SUPT3H: variants seen among roughly 807,000 people sequenced by gnomAD.
SUPT3H encodes transcription initiation protein SPT3 homolog.
Under a neutral mutation model 44.3 loss-of-function variants are expected in SUPT3H, and 44 were observed. The observed-to-expected ratio is 0.99, with a 90% CI of 0.78 to 1.28. The LOEUF is 1.28. Among genes scored for constraint, SUPT3H ranks in the 50% most tolerant of loss-of-function variants. The probability of loss-of-function intolerance (pLI) is 0.00; values close to 1 mark genes in which losing one functional copy is unlikely to be tolerated. For missense variants in SUPT3H, 380 were observed against 387.1 expected (o/e 0.98, Z 0.15); for synonymous variants, 124 against 125.6 (o/e 0.99, Z 0.09).
At chr6:45,034,808 A>C (rs1028470466) in intron 3 of SUPT3H, among the ~76,000 whole-genome samples, 3 of 152,202 alleles carry the variant, frequency 2.0e-5, no homozygotes, top group Non-Finnish European at 4.4e-5. Context: ...TATTTTTAAT[A>C]GATATTTTAC....
intron 3 of SUPT3H, among the ~76,000 whole-genome samples, chr6:45,044,338 A>C (rs1311272606): frequency 6.6e-6 from 1 of 152,134 alleles, no homozygotes; most frequent in African/African-American, 2.4e-5. Context: ...ACTCCTATTC[A>C]ACCTTTGAAA....
At chr6:45,074,882 A>T (rs1285466504) in intron 3 of SUPT3H, among the ~76,000 whole-genome samples, 1 of 152,098 alleles carries the variant, frequency 6.6e-6, no homozygotes, top group Non-Finnish European at 1.5e-5. Flanking sequence ...AAAGGTGTTA[A>T]TATAATTAAG....
At chr6:45,373,608 G>A (rs1796390663) in intron 1 of SUPT3H, among the ~76,000 whole-genome samples, 2 of 152,154 alleles carry the variant, frequency 1.3e-5, no homozygotes, top group Non-Finnish European at 2.9e-5. Flanking sequence ...CTGGAGTGCA[G>A]TGCACGATCT....
intron 5 of SUPT3H, among the ~76,000 whole-genome samples, chr6:45,012,790 A>G (rs1335645954): frequency 2.6e-5 from 4 of 152,080 alleles, no homozygotes; most frequent in Non-Finnish European, 5.9e-5. Context: ...TAGCAAATCT[A>G]GACAACTCCC....
chr6:44,899,800 T>C (rs548819697), intron 10 of SUPT3H, among the ~76,000 whole-genome samples: 109 of 152,360 alleles, frequency 7.2e-4, no homozygotes, highest in African/African-American at 2.6e-3. Context: ...TTGTTATTCT[T>C]GCTCTCAAAT....
chr6:45,055,339 C>G (rs13211006), intron 3 of SUPT3H, among the ~76,000 whole-genome samples: 19,993 of 151,984 alleles, frequency 0.13, 1,567 homozygotes, highest in East Asian at 0.26. Flanking sequence ...TCATATGGAA[C>G]CAAAAAGAAG....
intron 2 of SUPT3H, among the ~76,000 whole-genome samples, chr6:45,196,851 A>G: frequency 6.6e-6 from 1 of 151,840 alleles, no homozygotes; most frequent in East Asian, 1.9e-4. Context: ...GATTCAAGAA[A>G]ACATGGAGAA....
chr6:45,281,812 G>A (rs903718311), intron 2 of SUPT3H, among the ~76,000 whole-genome samples: 4 of 152,236 alleles, frequency 2.6e-5, no homozygotes, highest in African/African-American at 9.6e-5. Flanking sequence ...CCTGATACCC[G>A]AATAGCCTAA....
intron 11 of SUPT3H, among the ~76,000 whole-genome samples, chr6:44,820,451 T>C (rs911924905): frequency 6.6e-6 from 1 of 152,068 alleles, no homozygotes; most frequent in Non-Finnish European, 1.5e-5. Context: ...TGTTGAGATA[T>C]GAAGATGACG....
intron 1 of SUPT3H, among the ~76,000 whole-genome samples, chr6:45,366,822 T>C (rs866916487): frequency 6.6e-6 from 1 of 152,192 alleles, no homozygotes; most frequent in Non-Finnish European, 1.5e-5. Flanking sequence ...CTACTTTCTG[T>C]ATGTTCTCAG....
chr6:44,895,419 T>G (rs1296198846), intron 10 of SUPT3H, among the ~76,000 whole-genome samples: 2 of 152,166 alleles, frequency 1.3e-5, no homozygotes, highest in Non-Finnish European at 2.9e-5. Flanking sequence ...AAGGACGTGC[T>G]GAAAGCTCTG....
At chr6:45,309,447 A>G (rs1349477079) in intron 2 of SUPT3H, among the ~76,000 whole-genome samples, 1 of 151,940 alleles carries the variant, frequency 6.6e-6, no homozygotes, top group Non-Finnish European at 1.5e-5. Flanking sequence ...TTAAAAATAT[A>G]TAGTCAAAAG....
chr6:45,224,210 C>A (rs952762661), intron 2 of SUPT3H, among the ~76,000 whole-genome samples: 2 of 151,676 alleles, frequency 1.3e-5, no homozygotes, highest in African/African-American at 4.8e-5. Flanking sequence ...ACAGGTTTTC[C>A]TGTTCCCATT....
At chr6:45,364,938 C>G (rs1416249733) in intron 2 of SUPT3H, among the ~76,000 whole-genome samples, 1 of 152,086 alleles carries the variant, frequency 6.6e-6, no homozygotes, top group Non-Finnish European at 1.5e-5. Context: ...ATAATTAGAG[C>G]AATTGTGTCC....
At chr6:45,220,529 T>C (rs1298265451) in intron 2 of SUPT3H, among the ~76,000 whole-genome samples, 2 of 152,000 alleles carry the variant, frequency 1.3e-5, no homozygotes, top group African/African-American at 4.8e-5. Flanking sequence ...AGATATCCAC[T>C]CTCCCCACTC....
intron 2 of SUPT3H, among the ~76,000 whole-genome samples, chr6:45,238,896 C>G (rs1328875148): frequency 6.6e-6 from 1 of 152,092 alleles, no homozygotes; most frequent in African/African-American, 2.4e-5. Context: ...TCATTTTTTC[C>G]TAAAATGAAC....
chr6:44,959,585 ATTCT>A (rs1371042608), intron 7 of SUPT3H, among the ~76,000 whole-genome samples: 1 of 152,110 alleles, frequency 6.6e-6, no homozygotes, highest in African/African-American at 2.4e-5. Flanking sequence ...ATTATAAATT[ATTCT>A]TTATGATTAT....
chr6:45,094,447 G>A (rs1797535086), intron 3 of SUPT3H, among the ~76,000 whole-genome samples: 1 of 152,074 alleles, frequency 6.6e-6, no homozygotes, highest in Non-Finnish European at 1.5e-5. Context: ...GAAATTCTGT[G>A]ACACTGAAGT....
chr6:45,320,921 C>T (rs573696198), intron 2 of SUPT3H, among the ~76,000 whole-genome samples: 2 of 152,010 alleles, frequency 1.3e-5, no homozygotes, highest in East Asian at 1.9e-4. Flanking sequence ...AACAGTAGTA[C>T]AATATAATAG....
Sources: gnomAD v4.1 joint callset for allele counts (sites outside exome capture counted in the v4.1 genomes callset) on GRCh38, gnomAD v4.1.1 for gene constraint, MANE v1.5 for transcripts, NCBI Gene and HGNC (gene_info 2026-07-23, HGNC 2026-07-21) for gene names.